Variants in SP100 observed in about 807,000 individuals in gnomAD.
SP100 encodes the protein nuclear autoantigen Sp-100.
A neutral mutation model predicts 130.0 loss-of-function variants in SP100; 84 were observed. The observed-to-expected ratio is 0.65, with a 90% confidence interval of 0.54 to 0.77. SP100 has a LOEUF of 0.77. SP100 is among the 30% of genes least tolerant of loss of function. The pLI, the probability that SP100 is intolerant of heterozygous loss-of-function variation, is 0.00. For missense variants in SP100, 978 were observed against 1,052.2 expected (o/e 0.93, Z 0.97); for synonymous variants, 331 against 351.7 (o/e 0.94, Z 0.66).
chr2:230,444,265 C>A lies in SP100; in HGVS notation c.358C>A (p.Pro120Thr). Residue 120 changes from proline to threonine, a missense_variant, in exon 4 of 29, where the codon CCA becomes ACA. Pro to Thr is a conservative substitution (Grantham distance 38, BLOSUM62 -1). Coordinates refer to ENST00000340126, the MANE Select transcript of SP100 (RefSeq NM_001080391.2). ...TGAACTGGAGAAGACATTTAACCTG[C>A]CAGTTCTGGAAGCACTGTTCAGCGA... is the stretch of plus-strand genomic sequence containing the variant. ...LSELEKTFNL[P>T]VLEALFSDVN... is the part of the protein sequence containing the mutation. 1.2e-6 allele frequency: 2 copies of A among 1,613,304 alleles called. No homozygotes were observed. Among genetic ancestry groups the A allele is most frequent in the African/African-American group, 1.3e-5 (1 of 75,022 alleles).
intron 22 of SP100, 150 bp from the exon 23 acceptor site, chr2:230,507,843 A>G: frequency 3.0e-6 from 2 of 676,074 alleles, no homozygotes; most frequent in Non-Finnish European, 5.0e-6. Context: ...ATCCCTGGAG[A>G]ATCATGAAAA....
chr2:230,540,103 C>T (rs866179505), intron 25 of SP100, among the ~76,000 whole-genome samples: 2 of 152,182 alleles, frequency 1.3e-5, no homozygotes, highest in Non-Finnish European at 2.9e-5. Context: ...GGCCAATCTG[C>T]AGAGGCAGAA....
At chr2:230,416,796 C>T (rs1315316627) in intron 1 of SP100, 6 of 985,680 alleles carry the variant, frequency 6.1e-6, no homozygotes, top group African/African-American at 3.5e-5. Flanking sequence ...GGGCCTCTGC[C>T]GGCTGTTCCC....
chr2:230,423,216 C>A (rs2062821885), intron 2 of SP100, among the ~76,000 whole-genome samples: 2 of 152,126 alleles, frequency 1.3e-5, no homozygotes, highest in South Asian at 4.1e-4. Flanking sequence ...CTTATGCTGA[C>A]CTTTGAGCCA....
At chr2:230,523,892 A>G (rs1691290120) in intron 24 of SP100, among the ~76,000 whole-genome samples, 1 of 152,120 alleles carries the variant, frequency 6.6e-6, no homozygotes. Flanking sequence ...CTAAGTGACA[A>G]GAGTGAGACT....
chr2:230,430,442 G>C (rs1433479781), intron 2 of SP100, among the ~76,000 whole-genome samples: 1 of 152,218 alleles, frequency 6.6e-6, no homozygotes, highest in African/African-American at 2.4e-5. Flanking sequence ...TTATTCTCCA[G>C]AGTAGGGCCA....
At chr2:230,469,913 T>G (rs1488513294) in intron 14 of SP100, 102 bp from the exon 15 acceptor site, 1 of 1,507,372 alleles carries the variant, frequency 6.6e-7, no homozygotes, top group Non-Finnish European at 8.9e-7. Context: ...TTTCTCCCCC[T>G]CCTCCACAAG....
intron 2 of SP100, among the ~76,000 whole-genome samples, chr2:230,430,366 G>C (rs940430405): frequency 6.6e-6 from 1 of 152,244 alleles, no homozygotes; most frequent in Non-Finnish European, 1.5e-5. Flanking sequence ...ATGGTCACAG[G>C]CTGGGCTCTG....
At chr2:230,468,817 CAAAA>C (rs10617635) in intron 13 of SP100, 122 of 149,724 alleles carry the variant, frequency 8.1e-4, no homozygotes, top group East Asian at 3.2e-3. Flanking sequence ...GACCCTGTCT[CAAAA>C]AAAAAAAAAA....
intron 21 of SP100, among the ~76,000 whole-genome samples, chr2:230,505,431 A>T (rs761298850): frequency 5.3e-5 from 8 of 152,244 alleles, no homozygotes; most frequent in Non-Finnish European, 1.0e-4. Flanking sequence ...GTTTAGAATC[A>T]GAAGACCTGC....
intron 17 of SP100, among the ~76,000 whole-genome samples, chr2:230,486,366 C>T (rs1559514413): frequency 6.6e-6 from 1 of 152,180 alleles, no homozygotes; most frequent in Non-Finnish European, 1.5e-5. Flanking sequence ...ATGTGTTCCC[C>T]TCCCTGTGTC....
intron 17 of SP100, among the ~76,000 whole-genome samples, chr2:230,483,286 C>T (rs2150022186): frequency 6.6e-6 from 1 of 152,240 alleles, no homozygotes; most frequent in South Asian, 2.1e-4. Context: ...TGCTAACAAG[C>T]TGCATGTAAC....
At chr2:230,481,122 G>A (rs377027473) in intron 17 of SP100, among the ~76,000 whole-genome samples, 1 of 151,896 alleles carries the variant, frequency 6.6e-6, no homozygotes, top group Non-Finnish European at 1.5e-5. Flanking sequence ...GGACCTGAGT[G>A]CTTTCCTTGT....
intron 23 of SP100, 181 bp downstream of exon 23, chr2:230,508,212 T>C: frequency 2.2e-6 from 2 of 891,926 alleles, no homozygotes; most frequent in Non-Finnish European, 3.1e-6. Context: ...CCTTTGAACA[T>C]CAAAACGTTT....
intron 23 of SP100, 48 bp from the exon 24 acceptor site, chr2:230,511,077 G>GA (rs747806957): frequency 2.3e-6 from 3 of 1,328,986 alleles, no homozygotes; most frequent in Non-Finnish European, 3.3e-6. Flanking sequence ...TGGGGTTAAT[G>GA]AAAAATCACA....
chr2:230,469,653 A>C (rs2065165030), intron 14 of SP100: 1 of 771,842 alleles, frequency 1.3e-6, no homozygotes, highest in Non-Finnish European at 1.9e-6. Flanking sequence ...GGGTAGGAAA[A>C]GAGAGCTTTG....
chr2:230,541,808 G>C lies in SP100; in HGVS notation c.2404-84G>C. On this transcript the variant is annotated intron_variant, in intron 27 of 28. Transcript: ENST00000340126. ...GTTAGGATTTTGACCTATGGATTGG[G>C]GGAACTCCACAAACCTTTATTCCAT... 4.8e-6 allele frequency: 7 copies of C among 1,445,692 alleles called. No individual in the cohort carries two copies. In the East Asian group the frequency reaches 1.1e-4, roughly 24 times the overall value. 89.6% of individuals were successfully genotyped at this position (1,445,692 alleles called of 1,614,324 possible).
chr2:230,417,218 A>T (rs1360342214), intron 1 of SP100, among the ~76,000 whole-genome samples: 1 of 152,172 alleles, frequency 6.6e-6, no homozygotes, highest in Admixed American at 6.5e-5. Context: ...TTTTGTAAAT[A>T]CGTAATTTAT....
intron 17 of SP100, among the ~76,000 whole-genome samples, chr2:230,475,620 T>C (rs923542107): frequency 3.9e-5 from 6 of 152,210 alleles, no homozygotes; most frequent in Non-Finnish European, 7.3e-5. Flanking sequence ...CCAAAGCCTA[T>C]GTCAGGAAGG....
Sources: gnomAD v4.1 joint callset for allele counts (sites outside exome capture counted in the v4.1 genomes callset) on GRCh38, gnomAD v4.1.1 for gene constraint, MANE v1.5 for transcripts, NCBI Gene and HGNC (gene_info 2026-07-23, HGNC 2026-07-21) for gene names.